Variants in PTPRM observed in about 807,000 individuals in gnomAD.
PTPRM encodes receptor-type tyrosine-protein phosphatase mu.
In PTPRM, 47 loss-of-function variants were observed where a neutral mutation model predicts 186.7. That is an observed-to-expected ratio of 0.25 (90% CI 0.20 to 0.32). The LOEUF is 0.32. Ranked by LOEUF, PTPRM falls within the 10% of genes least tolerant of loss-of-function variation. The pLI, the probability that PTPRM is intolerant of heterozygous loss-of-function variation, is 1.00. For missense variants in PTPRM, 1,494 were observed against 1,865.0 expected, an observed-to-expected ratio of 0.80 and a Z score of 3.66; for synonymous variants, 668 against 674.9, an observed-to-expected ratio of 0.99 and a Z score of 0.16.
At chr18:7,734,875 C>T (rs1195805956) in intron 1 of PTPRM, among the ~76,000 whole-genome samples, 2 of 152,170 alleles carry the variant, frequency 1.3e-5, no homozygotes, top group Admixed American at 6.6e-5. Flanking sequence ...GAGCTCCTCT[C>T]TTAGTTTCAG....
At chr18:7,963,757 G>T (rs1275335306) in intron 7 of PTPRM, among the ~76,000 whole-genome samples, 1 of 152,156 alleles carries the variant, frequency 6.6e-6, no homozygotes, top group Admixed American at 6.5e-5. Flanking sequence ...ATCTGTGAGG[G>T]GCTTGACCAG....
At chr18:7,630,121 T>C (rs1294002141) in intron 1 of PTPRM, among the ~76,000 whole-genome samples, 2 of 152,038 alleles carry the variant, frequency 1.3e-5, no homozygotes, top group Non-Finnish European at 2.9e-5. Flanking sequence ...ACATGTCTAA[T>C]GGGTGGTTGG....
chr18:7,707,026 T>G (rs957377878), intron 1 of PTPRM, among the ~76,000 whole-genome samples: 3 of 152,076 alleles, frequency 2.0e-5, no homozygotes, highest in Non-Finnish European at 2.9e-5. Context: ...AAGGCAGTCA[T>G]TTTTAGAATA....
chr18:7,634,191 G>A (rs2038257915), intron 1 of PTPRM, among the ~76,000 whole-genome samples: 2 of 151,980 alleles, frequency 1.3e-5, no homozygotes, highest in East Asian at 1.9e-4. Context: ...GTTTTAGTTG[G>A]CTGTATCCTC....
chr18:8,338,779 A>G (rs550643366), intron 22 of PTPRM, among the ~76,000 whole-genome samples: 60 of 152,336 alleles, frequency 3.9e-4, no homozygotes, highest in African/African-American at 1.4e-3. Context: ...TGGAATGCCA[A>G]TTTGTACTTA....
intron 20 of PTPRM, among the ~76,000 whole-genome samples, chr18:8,312,707 G>T (rs571927156): frequency 6.6e-6 from 1 of 152,030 alleles, no homozygotes; most frequent in Admixed American, 6.6e-5. Flanking sequence ...CACCAGCAGC[G>T]ATTCTCACCC....
chr18:7,922,998 T>C (rs1215708016), intron 4 of PTPRM, among the ~76,000 whole-genome samples: 1 of 152,202 alleles, frequency 6.6e-6, no homozygotes, highest in Non-Finnish European at 1.5e-5. Flanking sequence ...ATTTTAGCAG[T>C]GTCTCTAGCC....
At chr18:7,761,222 C>G (rs545385502) in intron 1 of PTPRM, among the ~76,000 whole-genome samples, 1 of 152,240 alleles carries the variant, frequency 6.6e-6, no homozygotes, top group African/African-American at 2.4e-5. Flanking sequence ...TGGAATCTAG[C>G]TTCCTTATTT....
intron 1 of PTPRM, among the ~76,000 whole-genome samples, chr18:7,706,601 CAAAAAAA>C (rs766639399): frequency 5.1e-3 from 83 of 16,136 alleles, no homozygotes; most frequent in South Asian, 0.03. Context: ...GACCTTGTCT[CAAAAAAA>C]AAAAAAAAAA....
intron 13 of PTPRM, among the ~76,000 whole-genome samples, chr18:8,120,309 C>T (rs2145801609): frequency 6.6e-6 from 1 of 152,180 alleles, no homozygotes; most frequent in South Asian, 2.1e-4. Context: ...AAAAATCCTT[C>T]CTGGTATTTA....
At chr18:8,139,232 T>C (rs1014632743) in intron 13 of PTPRM, among the ~76,000 whole-genome samples, 4 of 152,156 alleles carry the variant, frequency 2.6e-5, no homozygotes, top group African/African-American at 9.7e-5. Flanking sequence ...AGCAGCTGTG[T>C]CTGTCCAGTG....
chr18:8,080,424 C>T (rs1302453213), intron 9 of PTPRM, among the ~76,000 whole-genome samples: 3 of 152,110 alleles, frequency 2.0e-5, no homozygotes, highest in Non-Finnish European at 2.9e-5. Context: ...AGGTACTGTT[C>T]CTTTTCTGTT....
intron 22 of PTPRM, among the ~76,000 whole-genome samples, chr18:8,327,711 T>G (rs2095386588): frequency 6.6e-6 from 1 of 152,206 alleles, no homozygotes; most frequent in Non-Finnish European, 1.5e-5. Context: ...CTATTTCTGT[T>G]TCAAGTTAAG....
chr18:7,718,705 C>A (rs1200454856), intron 1 of PTPRM, among the ~76,000 whole-genome samples: 1 of 152,102 alleles, frequency 6.6e-6, no homozygotes, highest in African/African-American at 2.4e-5. Flanking sequence ...GGAACTCCAA[C>A]AAATCAGCCA....
intron 20 of PTPRM, among the ~76,000 whole-genome samples, chr18:8,309,589 G>A (rs2095252731): frequency 6.6e-6 from 1 of 152,164 alleles, no homozygotes; most frequent in Admixed American, 6.5e-5. Context: ...ATAGTTCACT[G>A]CAGCCCCAAA....
At chr18:8,349,145 C>T (rs1449947708) in intron 23 of PTPRM, among the ~76,000 whole-genome samples, 1 of 152,196 alleles carries the variant, frequency 6.6e-6, no homozygotes, top group Admixed American at 6.5e-5. Flanking sequence ...AGGTGCCCCT[C>T]TCACAGCCAA....
intron 24 of PTPRM, 53 bp from the exon 25 acceptor site, chr18:8,375,993 G>T: frequency 6.5e-7 from 1 of 1,543,328 alleles, no homozygotes; most frequent in Admixed American, 1.7e-5. Flanking sequence ...CTGCTTATTT[G>T]TGGTTTGTTT....
intron 31 of PTPRM, among the ~76,000 whole-genome samples, chr18:8,388,026 G>A (rs2095789098): frequency 6.6e-6 from 1 of 151,618 alleles, no homozygotes. Context: ...AGACATGGGT[G>A]TTTTTTTTAA....
rs150303633 is a variant in PTPRM at position 8,316,464 on chromosome 18, A to G, written c.2919+1607A>G. 1.5e-3 allele frequency among the ~76,000 whole-genome samples: 235 copies of G among 152,336 alleles called. 1 individual carries two copies. The highest frequency in any genetic ancestry group is 5.3e-3 in the African/African-American group (219 of 41,594). On this transcript the variant is annotated intron_variant, in intron 21 of 32. Transcript: ENST00000580170. ...AGGTCACATACATGAGCAAGGCTAT[A>G]AAGTAATGAAAAGACTGGATTACTG...
Sources: gnomAD v4.1 joint callset for allele counts (sites outside exome capture counted in the v4.1 genomes callset) on GRCh38, gnomAD v4.1.1 for gene constraint, MANE v1.5 for transcripts, NCBI Gene and HGNC (gene_info 2026-07-23, HGNC 2026-07-21) for gene names.